The following GRID2 variants were observed in gnomAD, a reference collection of about 807,000 sequenced individuals.
The protein encoded by GRID2 is glutamate ionotropic receptor delta type subunit 2.
In GRID2, 33 loss-of-function variants were observed where a neutral mutation model predicts 114.8. That is an observed-to-expected ratio of 0.29 (90% CI 0.22 to 0.38). GRID2 has a LOEUF of 0.38. Among genes scored for constraint, GRID2 ranks in the 10% least tolerant of loss-of-function variants. GRID2 has a pLI of 1.00. For missense variants in GRID2, 1,184 were observed against 1,257.7 expected (o/e 0.94, Z 0.89); for synonymous variants, 505 against 449.9 (o/e 1.12, Z -1.55).
chr4:93,107,145 A>G lies in GRID2; in HGVS notation c.530-3603A>G, dbSNP rs572690768. ...AAAACCCTGTCTCTACCGAAAATAC[A>G]AAAGTTAGCCTGGCATGGAGGTGTG... On this transcript the variant is annotated intron_variant, in intron 3 of 15. Coordinates refer to ENST00000282020, the MANE Select transcript of GRID2 (RefSeq NM_001510.4). 3.1e-3 allele frequency among the ~76,000 whole-genome samples: 479 copies of G among 152,218 alleles called. 1 individual carries two copies. The highest frequency in any genetic ancestry group is 0.011 in the African/African-American group (467 of 41,560).
At chr4:92,671,182 T>A (rs1357588859) in intron 2 of GRID2, among the ~76,000 whole-genome samples, 1 of 151,958 alleles carries the variant, frequency 6.6e-6, no homozygotes, top group African/African-American at 2.4e-5. Flanking sequence ...AAACATGTCT[T>A]ACCATGGCAG....
chr4:93,191,304 C>A (rs1416160329), intron 4 of GRID2, among the ~76,000 whole-genome samples: 2 of 152,012 alleles, frequency 1.3e-5, no homozygotes, highest in African/African-American at 4.8e-5. Flanking sequence ...ATGTTGCTTT[C>A]CTGCTTCTTA....
chr4:93,170,387 C>A (rs1331841870), intron 4 of GRID2, among the ~76,000 whole-genome samples: 1 of 152,006 alleles, frequency 6.6e-6, no homozygotes, highest in Admixed American at 6.6e-5. Flanking sequence ...CTGGGCCCCC[C>A]CCTTTTTTAA....
At chr4:92,720,949 A>T (rs1735781243) in intron 2 of GRID2, among the ~76,000 whole-genome samples, 1 of 152,160 alleles carries the variant, frequency 6.6e-6, no homozygotes, top group Non-Finnish European at 1.5e-5. Context: ...TGGTATAAAT[A>T]TAATGGAATA....
At chr4:92,647,540 A>G (rs1040961870) in intron 2 of GRID2, among the ~76,000 whole-genome samples, 20 of 149,456 alleles carry the variant, frequency 1.3e-4, no homozygotes, top group African/African-American at 4.8e-4. Flanking sequence ...AAGCATTTAT[A>G]AAACTGTGGC....
At chr4:92,767,968 G>A (rs529520475) in intron 2 of GRID2, among the ~76,000 whole-genome samples, 1 of 151,208 alleles carries the variant, frequency 6.6e-6, no homozygotes, top group Non-Finnish European at 1.5e-5. Flanking sequence ...GCACATAAGT[G>A]TTACTTATGC....
intron 13 of GRID2, among the ~76,000 whole-genome samples, chr4:93,620,155 T>C (rs1742080377): frequency 6.6e-6 from 1 of 152,240 alleles, no homozygotes; most frequent in African/African-American, 2.4e-5. Context: ...TTTTTAGCAG[T>C]TGAAACATGT....
intron 13 of GRID2, among the ~76,000 whole-genome samples, chr4:93,562,607 A>G (rs2149566008): frequency 6.6e-6 from 1 of 152,188 alleles, no homozygotes; most frequent in Middle Eastern, 3.4e-3. Flanking sequence ...AAGTCATGGC[A>G]AAAGCCAAGG....
intron 2 of GRID2, among the ~76,000 whole-genome samples, chr4:92,985,797 C>G (rs1157759631): frequency 1.3e-5 from 2 of 152,056 alleles, no homozygotes; most frequent in Non-Finnish European, 2.9e-5. Flanking sequence ...TGTCACTCAG[C>G]CACAAGTTAT....
At chr4:93,747,464 C>T (rs1359345351) in intron 14 of GRID2, among the ~76,000 whole-genome samples, 1 of 152,104 alleles carries the variant, frequency 6.6e-6, no homozygotes, top group Non-Finnish European at 1.5e-5. Flanking sequence ...AAGACCATCT[C>T]CCATTGCTTG....
chr4:93,485,915 TGG>T (rs1433442414), intron 11 of GRID2, among the ~76,000 whole-genome samples: 1 of 151,642 alleles, frequency 6.6e-6, no homozygotes, highest in African/African-American at 2.4e-5. Flanking sequence ...GATTTTTAAT[TGG>T]GAATTCACTG....
At chr4:92,522,899 T>G (rs1724859635) in intron 1 of GRID2, among the ~76,000 whole-genome samples, 1 of 151,964 alleles carries the variant, frequency 6.6e-6, no homozygotes, top group South Asian at 2.1e-4. Context: ...ATTCAGAAAT[T>G]TGCATGGCCC....
intron 10 of GRID2, among the ~76,000 whole-genome samples, chr4:93,433,224 G>A (rs1403828042): frequency 6.6e-6 from 1 of 152,190 alleles, no homozygotes; most frequent in African/African-American, 2.4e-5. Flanking sequence ...GACCCAAAAT[G>A]ATTGTTGTAA....
At chr4:93,137,638 A>C (rs1735384487) in intron 4 of GRID2, among the ~76,000 whole-genome samples, 1 of 152,206 alleles carries the variant, frequency 6.6e-6, no homozygotes, top group South Asian at 2.1e-4. Flanking sequence ...CATGCAATTT[A>C]GGCTATCTTG....
chr4:92,813,971 T>G (rs1740768366), intron 2 of GRID2, among the ~76,000 whole-genome samples: 1 of 152,154 alleles, frequency 6.6e-6, no homozygotes, highest in South Asian at 2.1e-4. Context: ...TCCCTAACAA[T>G]GTAAGCAGAG....
intron 2 of GRID2, among the ~76,000 whole-genome samples, chr4:93,008,973 C>G (rs1333132780): frequency 1.3e-5 from 2 of 152,018 alleles, no homozygotes; most frequent in Admixed American, 1.3e-4. Context: ...AGTATAGGCC[C>G]ATAGAGAAAT....
chr4:93,651,563 T>A (rs1223546669), intron 14 of GRID2, among the ~76,000 whole-genome samples: 1 of 152,174 alleles, frequency 6.6e-6, no homozygotes, highest in East Asian at 1.9e-4. Context: ...CACCTCAATA[T>A]TCCCACTTGT....
chr4:92,703,169 A>T (rs1734766492), intron 2 of GRID2, among the ~76,000 whole-genome samples: 1 of 152,148 alleles, frequency 6.6e-6, no homozygotes, highest in Non-Finnish European at 1.5e-5. Flanking sequence ...ATGACAAATG[A>T]TACATAGAAG....
At chr4:92,929,622 A>G (rs949414727) in intron 2 of GRID2, among the ~76,000 whole-genome samples, 1 of 151,336 alleles carries the variant, frequency 6.6e-6, no homozygotes, top group Non-Finnish European at 1.5e-5. Flanking sequence ...ACATTCATTT[A>G]TTTGATAAAG....
Sources: gnomAD v4.1 joint callset for allele counts (sites outside exome capture counted in the v4.1 genomes callset) on GRCh38, gnomAD v4.1.1 for gene constraint, MANE v1.5 for transcripts, NCBI Gene and HGNC (gene_info 2026-07-23, HGNC 2026-07-21) for gene names.